The following RBMS2 variants were observed in gnomAD, a reference collection of about 807,000 sequenced individuals.
RBMS2 encodes RNA binding motif single stranded interacting protein 2, also known as RNA-binding motif, single-stranded-interacting protein 2.
RBMS2 carries 38 observed loss-of-function variants against 58.4 expected under a neutral mutation model. That is an observed-to-expected ratio of 0.65 (90% CI 0.50 to 0.85). The LOEUF (loss-of-function observed/expected upper bound fraction) is 0.85. RBMS2 is among the 40% of genes least tolerant of loss of function. The pLI is 0.00. For synonymous variants in RBMS2, 151 were observed against 180.7 expected, an observed-to-expected ratio of 0.84 and a Z score of 1.32; for missense variants, 367 against 503.7, an observed-to-expected ratio of 0.73 and a Z score of 2.60.
At chr12:56,570,666 C>T (rs1169069930) in intron 4 of RBMS2, among the ~76,000 whole-genome samples, 4 of 152,228 alleles carry the variant, frequency 2.6e-5, no homozygotes, top group Non-Finnish European at 2.9e-5. Flanking sequence ...CAAGCTGCAC[C>T]TCCCGGCTTC....
intron 5 of RBMS2, among the ~76,000 whole-genome samples, chr12:56,579,132 AGCCTTGATCATTAGCC>A (rs1883550722): frequency 6.6e-6 from 1 of 152,192 alleles, no homozygotes; most frequent in African/African-American, 2.4e-5. Context: ...AGGGGACTTC[AGCCTTGATCATTAGCC>A]GTCAGGAGCT....
At chr12:56,530,004 A>T (rs1873401029) in intron 1 of RBMS2, among the ~76,000 whole-genome samples, 1 of 151,850 alleles carries the variant, frequency 6.6e-6, no homozygotes, top group South Asian at 2.1e-4. Context: ...CAAACTCCTG[A>T]GCTCAAGGGA....
At chr12:56,588,798 ACACT>A (rs1422868067) in intron 12 of RBMS2, 130 bp from the exon 13 acceptor site, 1 of 779,448 alleles carries the variant, frequency 1.3e-6, no homozygotes, top group Non-Finnish European at 2.2e-6. Flanking sequence ...GTGGGTGGAA[ACACT>A]CACACATGAG....
chr12:56,544,052 G>A (rs1412120928), intron 1 of RBMS2, among the ~76,000 whole-genome samples: 3 of 151,624 alleles, frequency 2.0e-5, no homozygotes, highest in African/African-American at 7.3e-5. Flanking sequence ...CCAAGGCAGG[G>A]GGATCACAAG....
intron 1 of RBMS2, among the ~76,000 whole-genome samples, chr12:56,536,200 C>CAAAAAAAAAAAAAAAAAAAA (rs71446560): frequency 1.3e-5 from 1 of 76,422 alleles, no homozygotes; most frequent in African/African-American, 6.4e-5. Context: ...AACTCTGTCT[C>CAAAAAAAAAAAAAAAAAAAA]AAAAAAAAAA....
intron 2 of RBMS2, among the ~76,000 whole-genome samples, chr12:56,567,768 C>T (rs1383666710): frequency 6.6e-6 from 1 of 151,012 alleles, no homozygotes; most frequent in East Asian, 2.0e-4. Context: ...GAGTTCGAGG[C>T]TGCAGTGAGC....
At chr12:56,546,295 TG>T (rs1035992904) in intron 1 of RBMS2, among the ~76,000 whole-genome samples, 2 of 137,666 alleles carry the variant, frequency 1.5e-5, no homozygotes, top group Non-Finnish European at 3.1e-5. Context: ...AAATGTATAA[TG>T]CATTATAAAA....
chr12:56,549,211 T>G (rs923751783), intron 1 of RBMS2, among the ~76,000 whole-genome samples: 1 of 152,084 alleles, frequency 6.6e-6, no homozygotes, highest in African/African-American at 2.4e-5. Context: ...ACCAGGCTGG[T>G]CTTGTACTCC....
At chr12:56,580,056 A>G (rs1883705355) in intron 5 of RBMS2, among the ~76,000 whole-genome samples, 1 of 151,710 alleles carries the variant, frequency 6.6e-6, no homozygotes, top group Non-Finnish European at 1.5e-5. Flanking sequence ...CAGCCTCCCG[A>G]GTAGCTGGGA....
intron 1 of RBMS2, among the ~76,000 whole-genome samples, chr12:56,526,425 A>C (rs1181564474): frequency 2.6e-5 from 4 of 152,106 alleles, no homozygotes; most frequent in Non-Finnish European, 5.9e-5. Context: ...CATGACAGTC[A>C]TAGTTTTCTT....
rs770600714 is a variant in RBMS2 at position 56,586,904 on chromosome 12, A to C, written c.929A>C (p.His310Pro). 5.0e-6 allele frequency: 8 copies of C among 1,613,644 alleles called. No individual in the cohort carries two copies. Among genetic ancestry groups the C allele is most frequent in the Non-Finnish European group, 6.8e-6 (8 of 1,179,538 alleles). ...QVPNPSWMHH[H>P]SYLMQPSGSV... Reference sequence around the variant, plus strand: ...CCTAACCCATCCTGGATGCACCACCATTCATACCTCATGCAGCCTTCAGTG... The same window carrying C: ...CCTAACCCATCCTGGATGCACCACCCTTCATACCTCATGCAGCCTTCAGTG... Residue 310 changes from histidine (H) to proline (P), a missense_variant, in exon 10 of 14, where the codon CAT (histidine) becomes CCT (proline). This residue lies in a region of RBMS2 where 220 missense variants were observed against 261.1 expected (regional missense o/e 0.84). Transcript: ENST00000262031.
intron 5 of RBMS2, among the ~76,000 whole-genome samples, chr12:56,580,912 C>A (rs551852614): frequency 2.0e-5 from 3 of 152,212 alleles, no homozygotes; most frequent in African/African-American, 4.8e-5. Context: ...ATTTATATGG[C>A]AGATACAAGA....
intron 12 of RBMS2, 134 bp downstream of exon 12, chr12:56,588,508 T>C: frequency 1.3e-6 from 1 of 792,938 alleles, no homozygotes; most frequent in Non-Finnish European, 2.1e-6. Context: ...ACGAAGAACG[T>C]AGGAAGGATG....
chr12:56,531,440 T>C (rs1307916213), intron 1 of RBMS2, among the ~76,000 whole-genome samples: 1 of 152,198 alleles, frequency 6.6e-6, no homozygotes, highest in African/African-American at 2.4e-5. Flanking sequence ...TATTTATTGA[T>C]TGATCTGAAT....
chr12:56,541,240 A>G (rs981805202), intron 1 of RBMS2, among the ~76,000 whole-genome samples: 8 of 152,200 alleles, frequency 5.3e-5, no homozygotes, highest in Non-Finnish European at 7.3e-5. Flanking sequence ...TTCCTTGCCT[A>G]TTCAGTTGCT....
intron 1 of RBMS2, among the ~76,000 whole-genome samples, chr12:56,537,386 A>T (rs569993530): frequency 5.2e-4 from 79 of 152,186 alleles, no homozygotes; most frequent in African/African-American, 1.7e-3. Context: ...CCACTGTTCT[A>T]CTTTCTGTCT....
intron 9 of RBMS2, 71 bp downstream of exon 9, chr12:56,582,223 C>A: frequency 7.7e-7 from 1 of 1,301,778 alleles, no homozygotes; most frequent in South Asian, 1.4e-5. Flanking sequence ...TAATATAAGG[C>A]TAGGAACTAC....
At chr12:56,556,376 CTTT>C (rs778701977) in intron 1 of RBMS2, among the ~76,000 whole-genome samples, 3 of 140,084 alleles carry the variant, frequency 2.1e-5, no homozygotes, top group Non-Finnish European at 1.6e-5. Context: ...TGTCTTTTAG[CTTT>C]TTTTTTTTTT....
chr12:56,541,792 G>A (rs373137796), intron 1 of RBMS2, among the ~76,000 whole-genome samples: 4 of 152,254 alleles, frequency 2.6e-5, no homozygotes, highest in Admixed American at 1.3e-4. Flanking sequence ...TCTGCAGCTA[G>A]CTGGATCTCA....
Sources: gnomAD v4.1 joint callset for allele counts (sites outside exome capture counted in the v4.1 genomes callset) on GRCh38, gnomAD v4.1.1 for gene constraint, gnomAD v4.1.1 regional missense constraint, MANE v1.5 for transcripts, NCBI Gene and HGNC (gene_info 2026-07-23, HGNC 2026-07-21) for gene names.